Variants in MCC observed in about 807,000 individuals in gnomAD.
The protein encoded by MCC is MCC regulator of Wnt signaling pathway, also known as colorectal mutant cancer protein.
In MCC, 90 loss-of-function variants were observed where a neutral mutation model predicts 116.2. That is an observed-to-expected ratio of 0.77 (90% CI 0.65 to 0.92). The LOEUF is 0.92. Among genes scored for constraint, MCC ranks in the 40% least tolerant of loss-of-function variants. MCC has a pLI of 0.00. For missense variants in MCC, 1,516 were observed against 1,312.2 expected (o/e 1.16, Z -2.40); for synonymous variants, 578 against 510.5 (o/e 1.13, Z -1.78).
At chr5:113,464,384 T>C (rs1428939268) in intron 1 of MCC, among the ~76,000 whole-genome samples, 9 of 152,238 alleles carry the variant, frequency 5.9e-5, no homozygotes, top group Non-Finnish European at 1.0e-4. Context: ...TTCCACCTCA[T>C]GGCTTTTGCC....
chr5:113,096,427 C>CA (rs1756023844), intron 8 of MCC, among the ~76,000 whole-genome samples: 1 of 152,250 alleles, frequency 6.6e-6, no homozygotes, highest in Non-Finnish European at 1.5e-5. Context: ...GTGATTCTGA[C>CA]ACACACGTGT....
intron 3 of MCC, among the ~76,000 whole-genome samples, chr5:113,340,290 T>C (rs189761934): frequency 6.6e-6 from 1 of 152,348 alleles, no homozygotes; most frequent in Non-Finnish European, 1.5e-5. Context: ...AGTTACAGCC[T>C]TAATCAAAAC....
rs574090413 is a variant in MCC, at chr5:113,046,624, C to G, written c.2655+2469G>C. On this transcript the variant is annotated intron_variant, in intron 16 of 18. Coordinates refer to ENST00000408903, the MANE Select transcript of MCC (RefSeq NM_001085377.2). ...CTGGTAACTCCATTCCTACCACACC[C>G]CAAGAACACACACAAACACTAGCGC... Among the ~76,000 whole-genome samples, 5 of 146,944 alleles carry G rather than the reference C, an allele frequency of 3.4e-5. No individual in the cohort carries two copies. The South Asian group carries it at 1.1e-3, about 31-fold the overall frequency.
chr5:113,028,841 A>G (rs1750756605), intron 18 of MCC, 93 bp downstream of exon 18: 3 of 1,415,492 alleles, frequency 2.1e-6, no homozygotes, highest in Non-Finnish European at 2.9e-6. Flanking sequence ...AGTTAGGGAA[A>G]TGTCCATCCC....
At chr5:113,115,350 A>G (rs1368726521) in intron 6 of MCC, among the ~76,000 whole-genome samples, 1 of 152,146 alleles carries the variant, frequency 6.6e-6, no homozygotes, top group East Asian at 1.9e-4. Flanking sequence ...CTGACTATAG[A>G]TCTCTGTTTC....
intron 1 of MCC, among the ~76,000 whole-genome samples, chr5:113,388,668 A>G (rs1441911645): frequency 6.6e-6 from 1 of 152,188 alleles, no homozygotes; most frequent in Admixed American, 6.5e-5. Flanking sequence ...CCTTCACCAG[A>G]AGCAGATGCC....
At chr5:113,159,377 A>G (rs1248910905) in intron 3 of MCC, among the ~76,000 whole-genome samples, 1 of 152,208 alleles carries the variant, frequency 6.6e-6, no homozygotes, top group East Asian at 1.9e-4. Context: ...TCTTTTCCCT[A>G]AAAATGGAAT....
At position 113,488,246 on chromosome 5, in the gene MCC, T is replaced by G. The variant is rs773773266; in HGVS notation, c.169A>C (p.Arg57=). 1.9e-6 allele frequency: 3 copies of G among 1,593,478 alleles called. No homozygotes were observed. The East Asian group carries it at 7.4e-5, about 39-fold the overall frequency. Residue 57 remains arginine, a splice_region_variant and synonymous_variant, in exon 1 of 19, where the codon AGA becomes CGA. Coordinates refer to ENST00000408903, the MANE Select transcript of MCC (RefSeq NM_001085377.2). ...GTTTCCTCGTACCTCCCCGCGTACC[T>G]GCTGATGTATCCGTCCCCGTCGCCG... The part of the protein sequence containing the change: ...CDGDGDGYIS[R]NDLLMVCRQL...
chr5:113,316,895 T>C (rs536691690), intron 3 of MCC, among the ~76,000 whole-genome samples: 9 of 152,356 alleles, frequency 5.9e-5, no homozygotes, highest in African/African-American at 9.6e-5. Flanking sequence ...CTTTTTAATT[T>C]AAGCAAAGCA....
chr5:113,077,039 A>C (rs1754506715), intron 11 of MCC, among the ~76,000 whole-genome samples: 1 of 152,210 alleles, frequency 6.6e-6, no homozygotes, highest in African/African-American at 2.4e-5. Context: ...TTAAACCAAC[A>C]AAGATCAAAA....
chr5:113,024,441 C>T lies in MCC; in HGVS notation c.*2861G>A, dbSNP rs751071987. On this transcript the variant is annotated 3_prime_UTR_variant, in exon 19 of 19. Coordinates refer to ENST00000408903, the MANE Select transcript of MCC (RefSeq NM_001085377.2). The stretch of plus-strand genomic sequence containing the variant: ...TTTGCACAGTTGGTTTTGTTTGCCT[C>T]AGTCCAACAATGGGAAATATATTCC... 2.0e-5 allele frequency: 3 copies of T among 152,180 alleles called. No individual in the cohort carries two copies. The highest frequency in any genetic ancestry group is 4.4e-5 in the Non-Finnish European group (3 of 68,038). 9.4% of individuals were successfully genotyped at this position (152,180 alleles called of 1,614,324 possible).
chr5:113,360,369 G>GT (rs1245371892), intron 2 of MCC, among the ~76,000 whole-genome samples: 1 of 152,062 alleles, frequency 6.6e-6, no homozygotes, highest in Non-Finnish European at 1.5e-5. Flanking sequence ...TCTAAATCTT[G>GT]TTTATATATT....
intron 3 of MCC, among the ~76,000 whole-genome samples, chr5:113,223,562 T>G (rs761892936): frequency 4.6e-5 from 7 of 152,262 alleles, no homozygotes; most frequent in Non-Finnish European, 5.9e-5. Context: ...AAGTCTATAT[T>G]AAGGCAGTGG....
chr5:113,311,093 G>A (rs147305159), intron 3 of MCC, among the ~76,000 whole-genome samples: 4 of 152,302 alleles, frequency 2.6e-5, no homozygotes, highest in Non-Finnish European at 4.4e-5. Flanking sequence ...TCAAGCCACT[G>A]CACTTCAGTC....
intron 8 of MCC, among the ~76,000 whole-genome samples, chr5:113,100,225 T>C (rs1756310290): frequency 6.6e-6 from 1 of 152,202 alleles, no homozygotes; most frequent in African/African-American, 2.4e-5. Context: ...CATTCAAAAA[T>C]AGTAATTTCT....
In MCC at chr5:113,467,683, A is replaced by G. The variant is rs938507639; in HGVS notation, c.170+20562T>C. On this transcript the variant is annotated intron_variant, in intron 1 of 18. Transcript: ENST00000408903. Reference sequence around the variant, plus strand: ...GCGACACGGGCTCTTTTTTGTTTCCATATGAAGTTTAAAGTAGTTTTTTCC... The same window carrying G: ...GCGACACGGGCTCTTTTTTGTTTCCGTATGAAGTTTAAAGTAGTTTTTTCC... 6.6e-5 allele frequency among the ~76,000 whole-genome samples: 10 copies of G among 152,254 alleles called. No homozygotes were observed. In the South Asian group the frequency reaches 1.7e-3, roughly 25 times the overall value.
chr5:113,434,989 T>C lies in MCC; in HGVS notation c.171-49777A>G, dbSNP rs984405506. 76 of 912,896 alleles carry C rather than the reference T, an allele frequency of 8.3e-5. No individual in the cohort carries two copies. Among genetic ancestry groups the C allele is most frequent in the Non-Finnish European group, 1.2e-4 (71 of 614,206 alleles). The allele number at this position is 912,896 out of a possible 1,614,324, so 56.5% of individuals were successfully genotyped here. ...CCTCCTAGAGGCCAAGACTCTGGAG[T>C]GGAACATTTGGCACTGTCTCCCAGA... On this transcript the variant is annotated intron_variant, in intron 1 of 18. Coordinates refer to ENST00000408903, the MANE Select transcript of MCC (RefSeq NM_001085377.2). The surrounding 1 kb of genome is among the most constrained non-coding windows in gnomAD (Gnocchi z 4.2).
chr5:113,034,722 C>G (rs1427753578), intron 17 of MCC, among the ~76,000 whole-genome samples: 2 of 152,248 alleles, frequency 1.3e-5, no homozygotes, highest in Admixed American at 6.5e-5. Flanking sequence ...CCGTCAGGCT[C>G]TGTCTCCACT....
At chr5:113,375,664 G>A (rs1210447211) in intron 2 of MCC, among the ~76,000 whole-genome samples, 2 of 152,086 alleles carry the variant, frequency 1.3e-5, no homozygotes, top group Non-Finnish European at 2.9e-5. Flanking sequence ...GCTTGGTGCT[G>A]GCTGTTGGCT....
Sources: gnomAD v4.1 joint callset for allele counts (sites outside exome capture counted in the v4.1 genomes callset) on GRCh38, gnomAD v4.1.1 for gene constraint, Gnocchi (gnomAD v3.1) non-coding constraint, MANE v1.5 for transcripts, NCBI Gene and HGNC (gene_info 2026-07-23, HGNC 2026-07-21) for gene names.